NEMP2: variants seen among roughly 807,000 people sequenced by gnomAD.
NEMP2 encodes UPF0571 transmembrane protein.
A neutral mutation model predicts 54.2 loss-of-function variants in NEMP2; 53 were observed. The ratio of observed to expected loss-of-function variants is 0.98; its 90% CI spans 0.78 to 1.23. NEMP2 has a LOEUF of 1.23. NEMP2 is among the 50% of genes most tolerant of loss of function. NEMP2 has a pLI of 0.00. For synonymous variants in NEMP2, 197 were observed against 190.3 expected (o/e 1.04, Z -0.29); for missense variants, 455 against 511.3 (o/e 0.89, Z 1.06).
At chr2:190,644,397 T>C in the NEMP2 span, among the ~76,000 whole-genome samples, 1 of 152,246 alleles carries the variant, frequency 6.6e-6, no homozygotes, top group Non-Finnish European at 1.5e-5. The surrounding 1 kb of genome is among the most constrained non-coding windows in gnomAD (Gnocchi z 4.4). Context: ...AGGAGCAGTG[T>C]TCATTTACCA....
the NEMP2 span, among the ~76,000 whole-genome samples, chr2:190,555,766 C>T: frequency 1.3e-5 from 2 of 152,060 alleles, no homozygotes; most frequent in African/African-American, 4.8e-5. This position sits in a 1 kb window ranked among gnomAD's most constrained non-coding sequence, Gnocchi z 4.8. Context: ...TCCAGGAGAA[C>T]TTCCCCAACC....
At chr2:190,457,791 T>C in the NEMP2 span, among the ~76,000 whole-genome samples, 1 of 152,212 alleles carries the variant, frequency 6.6e-6, no homozygotes, top group Non-Finnish European at 1.5e-5. This position sits in a 1 kb window ranked among gnomAD's most constrained non-coding sequence, Gnocchi z 5.1. Context: ...CCTGAGAAAG[T>C]CCACCTCAAC....
At chr2:190,499,870 T>C, downstream of NEMP2, 1 of 1,552,276 alleles carries the variant, frequency 6.4e-7, no homozygotes, top group African/African-American at 1.4e-5. The surrounding 1 kb of genome is among the most constrained non-coding windows in gnomAD (Gnocchi z 6.0). Context: ...AGACATTCTA[T>C]CCTTATTCCT....
At chr2:190,526,004 A>C (rs766445865) in intron 1 of NEMP2, among the ~76,000 whole-genome samples, 3 of 152,208 alleles carry the variant, frequency 2.0e-5, no homozygotes, top group Non-Finnish European at 4.4e-5. Context: ...GACACTCAAA[A>C]GGATTTAACT....
At chr2:190,449,868 G>GT in the NEMP2 span, among the ~76,000 whole-genome samples, 2 of 151,910 alleles carry the variant, frequency 1.3e-5, no homozygotes, top group African/African-American at 4.8e-5. Flanking sequence ...CTGTTGTGGG[G>GT]TGGGGGAAGG....
the NEMP2 span, among the ~76,000 whole-genome samples, chr2:190,475,771 AG>A: frequency 6.6e-6 from 1 of 152,248 alleles, no homozygotes; most frequent in Non-Finnish European, 1.5e-5. Context: ...CTAAGCCAAA[AG>A]AACAAAGCTG....
the NEMP2 span, among the ~76,000 whole-genome samples, chr2:190,488,240 A>G: frequency 4.0e-4 from 61 of 152,326 alleles, no homozygotes; most frequent in African/African-American, 1.3e-3. The surrounding 1 kb of genome is among the most constrained non-coding windows in gnomAD (Gnocchi z 6.4). Flanking sequence ...ATACTTGCAT[A>G]CCAGGTTGAT....
At chr2:190,619,415 C>T in the NEMP2 span, among the ~76,000 whole-genome samples, 1 of 151,602 alleles carries the variant, frequency 6.6e-6, no homozygotes, top group African/African-American at 2.4e-5. This position sits in a 1 kb window ranked among gnomAD's most constrained non-coding sequence, Gnocchi z 5.5. Context: ...TGGGAGCATC[C>T]CTTGAGTCCA....
chr2:190,465,425 CT>C, the NEMP2 span, among the ~76,000 whole-genome samples: 21,200 of 150,974 alleles, frequency 0.14, 1,774 homozygotes, highest in Middle Eastern at 0.22. This position sits in a 1 kb window ranked among gnomAD's most constrained non-coding sequence, Gnocchi z 4.6. Context: ...CGTGGAGAGA[CT>C]TTTTTTTTCA....
At chr2:190,557,697 A>G in the NEMP2 span, among the ~76,000 whole-genome samples, 15 of 152,234 alleles carry the variant, frequency 9.9e-5, no homozygotes, top group African/African-American at 3.6e-4. Context: ...GAAGACATCT[A>G]TGTGGCCAAC....
intron 2 of NEMP2, among the ~76,000 whole-genome samples, chr2:190,524,376 T>C (rs1690858131): frequency 6.6e-6 from 1 of 152,124 alleles, no homozygotes; most frequent in African/African-American, 2.4e-5. Context: ...AAAATACTCA[T>C]TAAAGGGAAG....
rs1284749750 is a variant in NEMP2 at position 190,520,738 on chromosome 2, A to G, written c.214-1555T>C. Among the ~76,000 whole-genome samples, 1 of 151,934 alleles carries G rather than the reference A, an allele frequency of 6.6e-6. No homozygotes were observed. The highest frequency in any genetic ancestry group is 1.5e-5 in the Non-Finnish European group (1 of 67,996). On this transcript the variant is annotated intron_variant, in intron 2 of 8. Transcript: ENST00000409150. The surrounding 1 kb of genome is among the most constrained non-coding windows in gnomAD (Gnocchi z 5.4). Reference sequence around the variant, plus strand: ...TCATCACTCCATGGCCATATCCTGGACCTTGTCAGTACCAGACTGCAGCCC... The same window carrying G: ...TCATCACTCCATGGCCATATCCTGGGCCTTGTCAGTACCAGACTGCAGCCC...
chr2:190,491,659 C>T, the NEMP2 span, among the ~76,000 whole-genome samples: 1 of 152,186 alleles, frequency 6.6e-6, no homozygotes, highest in Non-Finnish European at 1.5e-5. This position sits in a 1 kb window ranked among gnomAD's most constrained non-coding sequence, Gnocchi z 4.2. Flanking sequence ...AATTGAACAG[C>T]AGCCTTGAGT....
At chr2:190,427,506 A>G in the NEMP2 span, among the ~76,000 whole-genome samples, 1 of 152,132 alleles carries the variant, frequency 6.6e-6, no homozygotes, top group Non-Finnish European at 1.5e-5. Flanking sequence ...TTTTGTTTGC[A>G]CCTATCTTCA....
chr2:190,536,190 G>GAT (rs1310820411), upstream of NEMP2, among the ~76,000 whole-genome samples: 2 of 152,160 alleles, frequency 1.3e-5, no homozygotes, highest in Non-Finnish European at 2.9e-5. Context: ...ATGTTAGGAG[G>GAT]TGATAGTTCT....
chr2:190,565,539 A>G, the NEMP2 span, among the ~76,000 whole-genome samples: 1,704 of 152,340 alleles, frequency 0.011, 34 homozygotes, highest in African/African-American at 0.038. Context: ...GGAAGGATAC[A>G]GAATTGGACA....
At chr2:190,567,910 G>A in the NEMP2 span, among the ~76,000 whole-genome samples, 1 of 152,154 alleles carries the variant, frequency 6.6e-6, no homozygotes, top group Non-Finnish European at 1.5e-5. This position sits in a 1 kb window ranked among gnomAD's most constrained non-coding sequence, Gnocchi z 4.0. Flanking sequence ...GTCCCCCAAA[G>A]TGCTGGGATT....
the NEMP2 span, chr2:190,608,356 A>G: frequency 6.6e-6 from 1 of 152,224 alleles, no homozygotes; most frequent in Non-Finnish European, 1.5e-5. This position sits in a 1 kb window ranked among gnomAD's most constrained non-coding sequence, Gnocchi z 4.9. Flanking sequence ...GAAAGAAAAA[A>G]AAATTGCTGA....
At chr2:190,587,230 G>A in the NEMP2 span, among the ~76,000 whole-genome samples, 1 of 152,132 alleles carries the variant, frequency 6.6e-6, no homozygotes, top group Admixed American at 6.6e-5. The surrounding 1 kb of genome is among the most constrained non-coding windows in gnomAD (Gnocchi z 5.4). Flanking sequence ...AGCCTTGAAA[G>A]CTGGAGCTAG....
Sources: allele counts gnomAD v4.1 joint callset (sites outside exome capture counted in the v4.1 genomes callset), GRCh38; gene constraint gnomAD v4.1.1; non-coding constraint Gnocchi (gnomAD v3.1); transcripts MANE v1.5; gene names NCBI Gene and HGNC (gene_info 2026-07-23, HGNC 2026-07-21).